SYT1: variants seen among roughly 807,000 people sequenced by gnomAD.
SYT1 encodes the protein synaptotagmin 1.
In SYT1, 8 loss-of-function variants were observed where a neutral mutation model predicts 44.8. The ratio of observed to expected loss-of-function variants is 0.18; its 90% CI spans 0.10 to 0.32. The LOEUF is 0.32. Among genes scored for constraint, SYT1 ranks in the 10% least tolerant of loss-of-function variants. The probability of loss-of-function intolerance (pLI) is 1.00; values close to 1 mark genes in which losing one functional copy is unlikely to be tolerated. For synonymous variants in SYT1, 154 were observed against 188.8 expected (o/e 0.82, Z 1.51); for missense variants, 286 against 509.3 (o/e 0.56, Z 4.22).
At chr12:78,995,794 T>A (rs1404993386) in intron 2 of SYT1, 2 of 152,186 alleles carry the variant, frequency 1.3e-5, no homozygotes, top group African/African-American at 4.8e-5. Flanking sequence ...CTGCAGTTGT[T>A]GCTGAGGTTT....
intron 3 of SYT1, among the ~76,000 whole-genome samples, chr12:79,101,795 T>C (rs906692770): frequency 2.0e-5 from 3 of 152,092 alleles, no homozygotes; most frequent in African/African-American, 7.2e-5. Context: ...TAGTCCCAGC[T>C]ACTCGAGGGC....
intron 1 of SYT1, among the ~76,000 whole-genome samples, chr12:78,888,994 C>T (rs541187702): frequency 6.6e-6 from 1 of 151,968 alleles, no homozygotes; most frequent in African/African-American, 2.4e-5. Context: ...TTTCTTTGCT[C>T]CGAAACCCGT....
chr12:78,874,361 A>G (rs984355862), intron 1 of SYT1, among the ~76,000 whole-genome samples: 15 of 151,578 alleles, frequency 9.9e-5, no homozygotes, highest in African/African-American at 3.6e-4. Context: ...GGTACCCAAA[A>G]GAGATTAAAT....
intron 9 of SYT1, among the ~76,000 whole-genome samples, chr12:79,361,647 A>AT (rs563911321): frequency 2.6e-3 from 393 of 152,340 alleles, no homozygotes; most frequent in Non-Finnish European, 4.4e-3. Flanking sequence ...GTTATAGATG[A>AT]TTTTTATGCT....
At chr12:79,434,051 T>C (rs1327208287) in intron 9 of SYT1, among the ~76,000 whole-genome samples, 1 of 152,234 alleles carries the variant, frequency 6.6e-6, no homozygotes, top group Admixed American at 6.5e-5. Flanking sequence ...ATTCAATGGT[T>C]TCCCCCACCA....
intron 4 of SYT1, among the ~76,000 whole-genome samples, chr12:79,240,742 G>C (rs1231652072): frequency 6.6e-6 from 1 of 152,154 alleles, no homozygotes; most frequent in Non-Finnish European, 1.5e-5. Context: ...TTATGAGCTA[G>C]TATACATGGG....
intron 9 of SYT1, among the ~76,000 whole-genome samples, chr12:79,367,010 T>A (rs1883577291): frequency 6.6e-6 from 1 of 151,196 alleles, no homozygotes; most frequent in Admixed American, 6.6e-5. Flanking sequence ...TATGTTGGCA[T>A]CCTGAAGCTA....
intron 8 of SYT1, among the ~76,000 whole-genome samples, chr12:79,314,374 AC>A (rs1253330445): frequency 1.3e-5 from 2 of 151,942 alleles, no homozygotes; most frequent in Non-Finnish European, 2.9e-5. Context: ...GAGCCTAGAT[AC>A]CATGTGCGAG....
chr12:79,133,033 C>T (rs1450464708), intron 3 of SYT1, among the ~76,000 whole-genome samples: 3 of 151,990 alleles, frequency 2.0e-5, no homozygotes, highest in Non-Finnish European at 2.9e-5. Flanking sequence ...TATGTGGAAG[C>T]TAAAAAGTTT....
intron 1 of SYT1, among the ~76,000 whole-genome samples, chr12:78,912,782 G>C (rs1475861158): frequency 6.6e-6 from 1 of 151,886 alleles, no homozygotes; most frequent in Non-Finnish European, 1.5e-5. Context: ...ATAAGCAGGA[G>C]AAAATGCTCA....
chr12:79,253,098 C>G (rs1209391126), intron 4 of SYT1, among the ~76,000 whole-genome samples: 1 of 152,064 alleles, frequency 6.6e-6, no homozygotes, highest in Non-Finnish European at 1.5e-5. Context: ...ACTGTTAGTG[C>G]TAAATCTTAT....
intron 3 of SYT1, among the ~76,000 whole-genome samples, chr12:79,076,443 T>C (rs1320903804): frequency 1.3e-5 from 2 of 152,178 alleles, no homozygotes; most frequent in African/African-American, 2.4e-5. Context: ...AAAGAAATAA[T>C]ATACTATTTT....
At position 79,106,860 on chromosome 12, in the gene SYT1, T is replaced by C. The variant is rs113218728; in HGVS notation, c.-18+59498T>C. 5.3e-3 allele frequency among the ~76,000 whole-genome samples: 801 copies of C among 152,176 alleles called. 10 individuals are homozygous for C. The highest frequency in any genetic ancestry group is 0.017 in the Middle Eastern group (5 of 294). ...TTTATCTGCTAGTTTTTCCTCTACT[T>C]TACCTTTAATCATAGTAGGAACAAA... On this transcript the variant is annotated intron_variant, in intron 3 of 10. Transcript: ENST00000261205.
rs373672089 is a variant in SYT1, at chr12:79,348,920, GA to G, written c.811-4576del. On this transcript the variant is annotated intron_variant, in intron 8 of 10. Transcript: ENST00000261205. Reference sequence around the variant, plus strand: ...CAAAGAAAGAAAGAAAGGAAGAAAGGAAAAAAGAAAGAAAGGAAAGAAAAAG... The same window carrying G: ...CAAAGAAAGAAAGAAAGGAAGAAAGGAAAAAGAAAGAAAGGAAAGAAAAAG... Among the ~76,000 whole-genome samples, 373 of 107,678 alleles carry G rather than the reference GA, an allele frequency of 3.5e-3. 1 individual carries two copies. The highest frequency in any genetic ancestry group is 0.012 in the African/African-American group (359 of 29,434). The allele number at this position is 107,678 out of a possible 152,430, so 70.6% of individuals were successfully genotyped here.
chr12:78,978,438 T>G (rs895547635), intron 2 of SYT1, among the ~76,000 whole-genome samples: 4 of 152,236 alleles, frequency 2.6e-5, no homozygotes, highest in Non-Finnish European at 5.9e-5. Flanking sequence ...CATTCTTTCA[T>G]ATATGGCTAA....
rs142023052 is a variant in SYT1 at position 79,195,754 on chromosome 12, C to T, written c.-17-21749C>T. On this transcript the variant is annotated intron_variant, in intron 3 of 10. Transcript: ENST00000261205. ...TTCATCACTTCATCACATGATCTGC[C>T]TTTCTTTGCAGTCTAACTTGGGATA... 1.6e-3 allele frequency among the ~76,000 whole-genome samples: 251 copies of T among 152,266 alleles called. 1 individual carries two copies. Among genetic ancestry groups the T allele is most frequent in the Non-Finnish European group, 3.0e-3 (207 of 68,016 alleles).
intron 1 of SYT1, among the ~76,000 whole-genome samples, chr12:78,916,850 C>T (rs1001230515): frequency 4.6e-5 from 7 of 151,794 alleles, no homozygotes; most frequent in Non-Finnish European, 1.0e-4. Context: ...TCCTATGTAC[C>T]CCCATTCTCA....
rs1005453992 is a variant in SYT1 at position 79,397,468 on chromosome 12, T to C, written c.928+43849T>C. The stretch of plus-strand genomic sequence containing the variant: ...GGTCTCGAACTCCCGGCTCACGTGA[T>C]CCTTCCACTTCAGCCTCCCAAAGTG... On this transcript the variant is annotated intron_variant, in intron 9 of 10. Coordinates refer to ENST00000261205, the MANE Select transcript of SYT1 (RefSeq NM_005639.3). Among the ~76,000 whole-genome samples the C allele has an allele frequency of 3.3e-5, 5 of 152,110 alleles. No homozygotes were observed. The East Asian group carries it at 9.7e-4, about 29-fold the overall frequency.
At chr12:79,019,359 T>C (rs956481171) in intron 2 of SYT1, among the ~76,000 whole-genome samples, 3 of 152,020 alleles carry the variant, frequency 2.0e-5, no homozygotes, top group African/African-American at 7.2e-5. Context: ...AAGTTACTCA[T>C]GAGATAACTA....
Sources: gnomAD v4.1 joint callset for allele counts (sites outside exome capture counted in the v4.1 genomes callset) on GRCh38, gnomAD v4.1.1 for gene constraint, MANE v1.5 for transcripts, NCBI Gene and HGNC (gene_info 2026-07-23, HGNC 2026-07-21) for gene names.